Variants in A1CF observed in about 807,000 individuals in gnomAD.
A1CF encodes APOBEC-1 stimulating protein.
A neutral mutation model predicts 68.9 loss-of-function variants in A1CF; 48 were observed. The observed-to-expected ratio is 0.70, with a 90% CI of 0.55 to 0.89. A1CF has a LOEUF of 0.89. A1CF is among the 40% of genes least tolerant of loss of function. The probability of loss-of-function intolerance (pLI) is 0.00; values close to 1 mark genes in which losing one functional copy is unlikely to be tolerated. For missense variants in A1CF, 653 were observed against 718.9 expected (o/e 0.91, Z 1.05); for synonymous variants, 272 against 260.4 (o/e 1.04, Z -0.43).
At chr10:50,852,739 G>A (rs993370574) in intron 3 of A1CF, among the ~76,000 whole-genome samples, 1 of 152,132 alleles carries the variant, frequency 6.6e-6, no homozygotes, top group African/African-American at 2.4e-5. Flanking sequence ...GAAAAAGAAT[G>A]TCAATGCCAC....
intron 1 of A1CF, among the ~76,000 whole-genome samples, chr10:50,882,204 G>A (rs1270850623): frequency 3.3e-5 from 5 of 152,202 alleles, no homozygotes; most frequent in Non-Finnish European, 7.3e-5. Flanking sequence ...TTGGGAGGCT[G>A]AGGCAGGCAG....
At chr10:50,861,017 T>A (rs1840720505) in intron 2 of A1CF, among the ~76,000 whole-genome samples, 1 of 152,182 alleles carries the variant, frequency 6.6e-6, no homozygotes, top group Non-Finnish European at 1.5e-5. Context: ...GCAACTAGAA[T>A]GTATTTGAAT....
intron 7 of A1CF, chr10:50,822,557 G>A (rs1289705552): frequency 6.6e-6 from 1 of 152,032 alleles, no homozygotes; most frequent in East Asian, 1.9e-4. Flanking sequence ...TGTAACATAA[G>A]GACAATTTAA....
At position 50,809,934 on chromosome 10, in the gene A1CF, G is replaced by A. The variant is rs780842488; in HGVS notation, c.1569C>T (p.Gly523=). ...CAGCAGCAGCAGCAGTAGCCATGGT[G>A]CCATCGCCTCCATCAGTGGGGATGC... ...TLGIPTDGGD[G]TMATAAAAAT... is the part of the protein sequence containing the mutation. The change falls in exon 12 of 13, where the codon GGC becomes GGT. Residue 523 remains glycine, a synonymous_variant. Coordinates refer to ENST00000373997, the MANE Select transcript of A1CF (RefSeq NM_014576.4). 1.2e-5 allele frequency: 19 copies of A among 1,613,922 alleles called. No individual in the cohort carries two copies. The Admixed American group carries it at 1.3e-4, about 11-fold the overall frequency.
chr10:50,859,740 G>T lies in A1CF; in HGVS notation c.99+102C>A. Reference sequence around the variant, plus strand: ...TTAGAAAGGGACATTTCTCTAAAGAGCTATGTAACTGACCATTCCCATTTT... The same window carrying T: ...TTAGAAAGGGACATTTCTCTAAAGATCTATGTAACTGACCATTCCCATTTT... On this transcript the variant is annotated intron_variant, in intron 3 of 12. Coordinates refer to ENST00000373997, the MANE Select transcript of A1CF (RefSeq NM_014576.4). 4.2e-6 allele frequency: 4 copies of T among 945,110 alleles called. No individual in the cohort carries two copies. The South Asian group carries it at 6.4e-5, about 15-fold the overall frequency. The allele number at this position is 945,110 out of a possible 1,614,324, so 58.5% of individuals were successfully genotyped here. A position where few individuals can be genotyped will look rare whatever the true frequency, so the allele number is the denominator to read the frequency against.
chr10:50,821,210 A>G (rs571062630), intron 7 of A1CF, among the ~76,000 whole-genome samples: 6 of 152,310 alleles, frequency 3.9e-5, no homozygotes, highest in African/African-American at 1.4e-4. Context: ...ATCTTTAAAT[A>G]AAAAACAAAA....
intron 1 of A1CF, among the ~76,000 whole-genome samples, chr10:50,872,946 C>CTTTTTTTTT (rs34770362): frequency 3.0e-5 from 2 of 67,290 alleles, no homozygotes; most frequent in Non-Finnish European, 5.6e-5. Flanking sequence ...ATTTAAGTTC[C>CTTTTTTTTT]TTTTTTTTTT....
At chr10:50,878,927 C>G (rs1841646807) in intron 1 of A1CF, among the ~76,000 whole-genome samples, 1 of 152,198 alleles carries the variant, frequency 6.6e-6, no homozygotes, top group South Asian at 2.1e-4. Context: ...ACCTGCTACT[C>G]AAGTCCCTTA....
intron 7 of A1CF, among the ~76,000 whole-genome samples, chr10:50,823,310 T>A (rs534111350): frequency 1.3e-5 from 2 of 152,322 alleles, no homozygotes; most frequent in African/African-American, 4.8e-5. Flanking sequence ...TAGGAGTTTG[T>A]TTAATAATTG....
chr10:50,871,978 G>A (rs1220222498), intron 1 of A1CF, among the ~76,000 whole-genome samples: 1 of 152,016 alleles, frequency 6.6e-6, no homozygotes, highest in Non-Finnish European at 1.5e-5. Flanking sequence ...AGAGTCTACA[G>A]ACAGGAAGAG....
At chr10:50,807,439 A>G (rs1243658583) in intron 12 of A1CF, among the ~76,000 whole-genome samples, 1 of 152,192 alleles carries the variant, frequency 6.6e-6, no homozygotes, top group Non-Finnish European at 1.5e-5. Flanking sequence ...ATAATACCTT[A>G]AAAGCAAATG....
chr10:50,865,412 A>G (rs1242558739), intron 1 of A1CF, among the ~76,000 whole-genome samples: 1 of 152,234 alleles, frequency 6.6e-6, no homozygotes, highest in Non-Finnish European at 1.5e-5. Flanking sequence ...ATATGCCTTT[A>G]AAATACTTAA....
chr10:50,826,594 C>T (rs968936459), intron 7 of A1CF, among the ~76,000 whole-genome samples: 1 of 152,036 alleles, frequency 6.6e-6, no homozygotes, highest in Non-Finnish European at 1.5e-5. Context: ...GAGATTTTGT[C>T]ACTACCAGGC....
In A1CF at chr10:50,881,819, T is replaced by C. The variant is rs7895678; in HGVS notation, c.-94+3762A>G. ...CACTTAACTGTGCAAATCAGAAGGA[T>C]TTATCTTACATCCTTATTAGTATTT... is the stretch of plus-strand genomic sequence containing the variant. On this transcript the variant is annotated intron_variant, in intron 1 of 12. Coordinates refer to ENST00000373997, the MANE Select transcript of A1CF (RefSeq NM_014576.4). Among the ~76,000 whole-genome samples the C allele has an allele frequency of 7.0e-3, 1,072 of 152,300 alleles. 11 individuals carry two copies. Among genetic ancestry groups the C allele is most frequent in the African/African-American group, 0.024 (998 of 41,572 alleles).
Position 50,864,053 on chromosome 10 carries a change from C to T in A1CF, c.-66G>A, listed in dbSNP as rs1840865923. 1 of 151,888 alleles carries T rather than the reference C, an allele frequency of 6.6e-6. No homozygotes were observed. The highest frequency in any genetic ancestry group is 6.6e-5 in the Admixed American group (1 of 15,254). The allele number at this position is 151,888 out of a possible 1,614,324, so 9.4% of individuals were successfully genotyped here. On this transcript the variant is annotated 5_prime_UTR_variant, in exon 2 of 13. Coordinates refer to ENST00000373997, the MANE Select transcript of A1CF (RefSeq NM_014576.4). ...CTTACATAATTTTTGTAGAGAAAATCCACAGGTTTTTGGCACAGCACTGTT... is the reference window on the plus strand; with the variant it reads ...CTTACATAATTTTTGTAGAGAAAATTCACAGGTTTTTGGCACAGCACTGTT...
chr10:50,866,519 G>A (rs1840997739), intron 1 of A1CF, among the ~76,000 whole-genome samples: 1 of 152,220 alleles, frequency 6.6e-6, no homozygotes, highest in African/African-American at 2.4e-5. Flanking sequence ...TCAGGTGCCA[G>A]TGGGTCCAGT....
chr10:50,867,362 C>A (rs1017475478), intron 1 of A1CF, among the ~76,000 whole-genome samples: 4 of 151,818 alleles, frequency 2.6e-5, no homozygotes, highest in South Asian at 2.1e-4. Flanking sequence ...GAATGAAATT[C>A]TTTTATTTTA....
chr10:50,815,611 T>G (rs1427364347), intron 9 of A1CF, among the ~76,000 whole-genome samples: 1 of 152,196 alleles, frequency 6.6e-6, no homozygotes, highest in Admixed American at 6.5e-5. Flanking sequence ...GTTTTGCTAT[T>G]TGAGGTAATT....
At chr10:50,809,143 G>GGACAAATGGT (rs1564491937) in intron 12 of A1CF, among the ~76,000 whole-genome samples, 1 of 152,032 alleles carries the variant, frequency 6.6e-6, no homozygotes, top group Admixed American at 6.6e-5. Context: ...TAACAAATGG[G>GGACAAATGGT]GACAAATCTT....
Sources: allele counts gnomAD v4.1 joint callset (sites outside exome capture counted in the v4.1 genomes callset), GRCh38; gene constraint gnomAD v4.1.1; transcripts MANE v1.5; gene names NCBI Gene and HGNC (gene_info 2026-07-23, HGNC 2026-07-21).